The following EPAS1 variants were observed in gnomAD, a reference collection of about 807,000 sequenced individuals.
EPAS1 encodes endothelial PAS domain-containing protein 1.
Under a neutral mutation model 87.9 loss-of-function variants are expected in EPAS1, and 23 were observed. The ratio of observed to expected loss-of-function variants is 0.26; its 90% confidence interval spans 0.19 to 0.37. The LOEUF (loss-of-function observed/expected upper bound fraction) is 0.37, where lower values mean the gene tolerates loss of function less well. Among genes scored for constraint, EPAS1 ranks in the 10% least tolerant of loss-of-function variants. The pLI is 1.00. For synonymous variants in EPAS1, 508 were observed against 444.3 expected (o/e 1.14, Z -1.80); for missense variants, 1,138 against 1,120.7 (o/e 1.02, Z -0.22).
chr2:46,309,171 T>C (rs914448960), intron 1 of EPAS1, among the ~76,000 whole-genome samples: 4 of 152,236 alleles, frequency 2.6e-5, no homozygotes, highest in Non-Finnish European at 4.4e-5. Context: ...GTAGACACTT[T>C]GCTCACATCA....
chr2:46,341,850 A>G (rs530300840), intron 1 of EPAS1, among the ~76,000 whole-genome samples: 1 of 152,222 alleles, frequency 6.6e-6, no homozygotes, highest in South Asian at 2.1e-4. Flanking sequence ...GGATCAAATG[A>G]GACCATTTAT....
chr2:46,382,898 C>T (rs543654873), intron 15 of EPAS1, among the ~76,000 whole-genome samples: 1 of 152,320 alleles, frequency 6.6e-6, no homozygotes, highest in East Asian at 1.9e-4. Flanking sequence ...GGACTGAACA[C>T]TGAACACTGG....
chr2:46,307,437 A>T (rs1173360936), intron 1 of EPAS1, among the ~76,000 whole-genome samples: 1 of 152,156 alleles, frequency 6.6e-6, no homozygotes, highest in Non-Finnish European at 1.5e-5. Context: ...TATAAATGTA[A>T]CCATATCGTT....
chr2:46,339,589 C>A (rs2104865533), intron 1 of EPAS1, among the ~76,000 whole-genome samples: 1 of 152,342 alleles, frequency 6.6e-6, no homozygotes, highest in Non-Finnish European at 1.5e-5. Flanking sequence ...CAGATTCACT[C>A]ACGAGTGTTT....
Position 46,376,590 on chromosome 2 carries a change from G to A in EPAS1, c.1086G>A (p.Leu362=). 6.2e-7 allele frequency: 1 copy of A among 1,614,164 alleles called. No individual in the cohort carries two copies. Among genetic ancestry groups the A allele is most frequent in the Non-Finnish European group, 8.5e-7 (1 of 1,180,036 alleles). ...TCTCCATGGACCAGACTGAATCCCT[G>A]TTCAAGCCCCACCTGATGGCCATGA... The part of the protein sequence containing the change: ...VVFSMDQTES[L]FKPHLMAMNS... The change falls in exon 9 of 16, where the codon CTG becomes CTA. Residue 362 remains leucine (L), a synonymous_variant. Transcript: ENST00000263734.
chr2:46,317,454 T>G (rs748056042), intron 1 of EPAS1, among the ~76,000 whole-genome samples: 2 of 152,200 alleles, frequency 1.3e-5, no homozygotes, highest in African/African-American at 2.4e-5. Flanking sequence ...GGCTCTTGAG[T>G]AACTAGGTGC....
chr2:46,298,033 T>A, intron 1 of EPAS1, 96 bp downstream of exon 1: 2 of 1,479,058 alleles, frequency 1.4e-6, no homozygotes, highest in Admixed American at 1.9e-5. Flanking sequence ...AGAAGAGTGC[T>A]GAGAGGTCTT....
intron 10 of EPAS1, among the ~76,000 whole-genome samples, chr2:46,378,295 T>C (rs1167170281): frequency 1.3e-5 from 2 of 152,228 alleles, no homozygotes; most frequent in Admixed American, 1.3e-4. Context: ...ATAAGCTCCT[T>C]GAAGGGCTTT....
At chr2:46,376,256 A>G (rs1450813271) in intron 8 of EPAS1, among the ~76,000 whole-genome samples, 1 of 152,234 alleles carries the variant, frequency 6.6e-6, no homozygotes, top group Non-Finnish European at 1.5e-5. Flanking sequence ...CTACAGACAG[A>G]GAAAAACAAA....
intron 1 of EPAS1, among the ~76,000 whole-genome samples, chr2:46,319,377 A>AT (rs1683409963): frequency 6.6e-6 from 1 of 152,176 alleles, no homozygotes; most frequent in African/African-American, 2.4e-5. Flanking sequence ...TTTAATTTTA[A>AT]TTGGTTATTG....
chr2:46,368,671 T>C (rs1684556451), intron 6 of EPAS1, among the ~76,000 whole-genome samples: 1 of 152,226 alleles, frequency 6.6e-6, no homozygotes, highest in Admixed American at 6.5e-5. Flanking sequence ...CCTCTCCGTG[T>C]TATTGATCCC....
intron 6 of EPAS1, 131 bp downstream of exon 6, chr2:46,361,221 G>C (rs564127664): frequency 7.9e-5 from 80 of 1,016,910 alleles, no homozygotes; most frequent in Non-Finnish European, 1.1e-4. Context: ...TCGTGGACCT[G>C]TGCCACTGTT....
chr2:46,383,395 A>G (rs758082087), intron 15 of EPAS1, among the ~76,000 whole-genome samples: 3 of 152,244 alleles, frequency 2.0e-5, no homozygotes, highest in East Asian at 1.9e-4. Context: ...TGTGAAACAT[A>G]TATGTCTTCA....
intron 11 of EPAS1, chr2:46,379,928 C>G: frequency 2.1e-6 from 1 of 487,158 alleles, no homozygotes; most frequent in Non-Finnish European, 3.8e-6. Flanking sequence ...GGGGCTGCCT[C>G]GGCTTCAAGA....
At chr2:46,318,197 CAA>C (rs1558585437) in intron 1 of EPAS1, among the ~76,000 whole-genome samples, 1 of 151,588 alleles carries the variant, frequency 6.6e-6, no homozygotes, top group Non-Finnish European at 1.5e-5. Flanking sequence ...CACACACACA[CAA>C]ACACACACAC....
intron 2 of EPAS1, among the ~76,000 whole-genome samples, chr2:46,351,400 CCAGGAAGAT>C (rs1684142064): frequency 1.3e-5 from 2 of 152,114 alleles, no homozygotes; most frequent in African/African-American, 4.8e-5. Context: ...CTCAGGGAGC[CCAGGAAGAT>C]CAGGAAGGAC....
intron 11 of EPAS1, chr2:46,379,804 T>C: frequency 3.8e-6 from 1 of 261,584 alleles, no homozygotes; most frequent in East Asian, 9.0e-5. Context: ...CGTGCCAGCT[T>C]ACAGGAGGGA....
At position 46,297,885 on chromosome 2, in the gene EPAS1, T is replaced by C; in HGVS notation, c.-27T>C. On this transcript the variant is annotated 5_prime_UTR_variant, in exon 1 of 16. Coordinates refer to ENST00000263734, the MANE Select transcript of EPAS1 (RefSeq NM_001430.5). ...CCAGGGAGCCCAGGTGCTCGGCGTC[T>C]GAACGTCTCAAAGGGCCACAGCGAC... 6.2e-7 allele frequency: 1 copy of C among 1,609,210 alleles called. No individual in the cohort carries two copies. Among genetic ancestry groups the C allele is most frequent in the Non-Finnish European group, 8.5e-7 (1 of 1,177,696 alleles).
rs1242153060 is a variant in EPAS1, at chr2:46,380,623, A to G, written c.1951A>G (p.Lys651Glu). ...PDPPLHFGPT[K>E]WAVGDQRTEF... ...TCCACCATTACATTTTGGGCCCACA[A>G]AGTGGGCCGTCGGGGATCAGCGCAC... is the stretch of plus-strand genomic sequence containing the variant. Residue 651 changes from lysine (K) to glutamate (E), a missense_variant, in exon 12 of 16, where the codon AAG becomes GAG. Lys to Glu is a moderately conservative substitution (Grantham distance 56). Around this residue, in one of 4 missense-constraint regions of EPAS1, gnomAD observed 502 missense variants for 427.1 expected, o/e 1.18. Coordinates refer to ENST00000263734, the MANE Select transcript of EPAS1 (RefSeq NM_001430.5). This position sits in a 1 kb window ranked among gnomAD's most constrained non-coding sequence, Gnocchi z 4.4. 6.2e-7 allele frequency: 1 copy of G among 1,614,054 alleles called. No homozygotes were observed. Among genetic ancestry groups the G allele is most frequent in the South Asian group, 1.1e-5 (1 of 91,072 alleles).
Sources: gnomAD v4.1 joint callset for allele counts (sites outside exome capture counted in the v4.1 genomes callset) on GRCh38, gnomAD v4.1.1 for gene constraint, gnomAD v4.1.1 regional missense constraint, Gnocchi (gnomAD v3.1) non-coding constraint, MANE v1.5 for transcripts, NCBI Gene and HGNC (gene_info 2026-07-23, HGNC 2026-07-21) for gene names.